Variants in GPC4 observed in about 807,000 individuals in gnomAD.
GPC4 encodes the protein glypican-4.
Under a neutral mutation model 35.0 loss-of-function variants are expected in GPC4, and 10 were observed. The ratio of observed to expected loss-of-function variants is 0.29; its 90% CI spans 0.18 to 0.48. The LOEUF is 0.48. Ranked by LOEUF, GPC4 falls within the 20% of genes least tolerant of loss-of-function variation. The pLI is 0.99. For missense variants in GPC4, 322 were observed against 451.3 expected, an observed-to-expected ratio of 0.71 and a Z score of 2.60; for synonymous variants, 167 against 170.2, an observed-to-expected ratio of 0.98 and a Z score of 0.15.
intron 1 of GPC4, among the ~76,000 whole-genome samples, chrX:133,394,956 GCAA>G (rs1159888584): frequency 6.3e-5 from 7 of 111,643 alleles, no homozygotes; most frequent in South Asian, 3.8e-4. Context: ...TCTAGATTGA[GCAA>G]CAACAAGAAA....
intron 2 of GPC4, among the ~76,000 whole-genome samples, chrX:133,336,225 T>C (rs976451123): frequency 2.7e-5 from 3 of 111,908 alleles, no homozygotes; most frequent in African/African-American, 6.5e-5. Flanking sequence ...CAAGTCCTAA[T>C]TGACAGCCTT....
At chrX:133,306,181 T>A (rs2068290373) in intron 4 of GPC4, 27 bp from the exon 5 acceptor site, 1 of 1,206,917 alleles carries the variant, frequency 8.3e-7, no homozygotes, top group African/African-American at 1.7e-5. Flanking sequence ...GGAAGAACAA[T>A]ACAGCATAAA....
chrX:133,322,313 A>C (rs2068368808), intron 3 of GPC4, among the ~76,000 whole-genome samples: 2 of 110,739 alleles, frequency 1.8e-5, no homozygotes, highest in African/African-American at 6.6e-5. Context: ...GTGTGGTGGC[A>C]CATGCCTGTA....
chrX:133,327,650 T>A (rs1412193088), intron 2 of GPC4, among the ~76,000 whole-genome samples: 4 of 104,339 alleles, frequency 3.8e-5, no homozygotes, highest in African/African-American at 1.1e-4. Context: ...TGTGTGTGTG[T>A]GTGTGTGTGT....
intron 1 of GPC4, among the ~76,000 whole-genome samples, chrX:133,359,222 G>C (rs1290519988): frequency 9.0e-6 from 1 of 111,524 alleles, no homozygotes; most frequent in African/African-American, 3.3e-5. Flanking sequence ...AAGAATCTGT[G>C]ACAAAAGCAG....
intron 1 of GPC4, among the ~76,000 whole-genome samples, chrX:133,347,259 T>G (rs926744636): frequency 1.1e-5 from 1 of 91,411 alleles, no homozygotes; most frequent in Non-Finnish European, 2.1e-5. Context: ...TTTTTTTTTT[T>G]TTTTTTTTTT....
chrX:133,381,234 A>G (rs1032543348), intron 1 of GPC4, among the ~76,000 whole-genome samples: 1 of 112,425 alleles, frequency 8.9e-6, no homozygotes, highest in Non-Finnish European at 1.9e-5. Context: ...TCAAGAATGC[A>G]ACAAAGGATA....
intron 1 of GPC4, among the ~76,000 whole-genome samples, chrX:133,341,178 T>C (rs932051820): frequency 8.9e-6 from 1 of 111,768 alleles, no homozygotes; most frequent in Non-Finnish European, 1.9e-5. Flanking sequence ...CCTTCGGTAC[T>C]GGGACACATA....
intron 7 of GPC4, among the ~76,000 whole-genome samples, chrX:133,304,486 T>A (rs778065584): frequency 8.9e-5 from 10 of 111,786 alleles, no homozygotes; most frequent in South Asian, 3.8e-4. Context: ...ACAGCCCTAA[T>A]ACGAGACTAT....
chrX:133,338,241 T>C (rs1219177012), intron 2 of GPC4, among the ~76,000 whole-genome samples: 1 of 111,677 alleles, frequency 9.0e-6, no homozygotes, highest in Admixed American at 9.6e-5. Context: ...TCAAAGACAT[T>C]TCATATCTAG....
chrX:133,335,416 G>C (rs902057839), intron 2 of GPC4, among the ~76,000 whole-genome samples: 5 of 111,288 alleles, frequency 4.5e-5, no homozygotes, highest in African/African-American at 1.3e-4. Context: ...GGGGGAGGAA[G>C]TGTTCTCTTG....
intron 5 of GPC4, 39 bp from the exon 6 acceptor site, chrX:133,305,957 T>C (rs762202404): frequency 1.2e-5 from 15 of 1,208,233 alleles, no homozygotes; most frequent in Non-Finnish European, 1.7e-5. Flanking sequence ...GGGAAGTCAC[T>C]CCCAAGGCGG....
chrX:133,319,212 G>A (rs893149390), intron 3 of GPC4, among the ~76,000 whole-genome samples: 5 of 110,059 alleles, frequency 4.5e-5, no homozygotes, highest in Non-Finnish European at 9.5e-5. Flanking sequence ...GGGAAGCTAA[G>A]GTGAGAGGAT....
intron 3 of GPC4, among the ~76,000 whole-genome samples, chrX:133,319,062 T>G (rs2068351653): frequency 8.9e-6 from 1 of 112,100 alleles, no homozygotes; most frequent in Non-Finnish European, 1.9e-5. Context: ...GCTGCAAAAG[T>G]AAACTGGACA....
chrX:133,385,718 G>A (rs2068686232), intron 1 of GPC4, among the ~76,000 whole-genome samples: 1 of 111,744 alleles, frequency 8.9e-6, no homozygotes, highest in East Asian at 2.8e-4. Context: ...CCCAGAACAG[G>A]CATTCCAATA....
At chrX:133,314,835 C>T (rs2124112274) in intron 3 of GPC4, among the ~76,000 whole-genome samples, 1 of 111,018 alleles carries the variant, frequency 9.0e-6, no homozygotes, top group South Asian at 3.9e-4. Context: ...CAGGTCTCCC[C>T]TGCAAAGTCT....
At chrX:133,356,225 T>C (rs903423895) in intron 1 of GPC4, among the ~76,000 whole-genome samples, 1 of 111,185 alleles carries the variant, frequency 9.0e-6, no homozygotes, top group Middle Eastern at 4.3e-3. Context: ...ACTTAGTGAA[T>C]GGCCTGGATC....
intron 1 of GPC4, among the ~76,000 whole-genome samples, chrX:133,391,441 C>T (rs1443317622): frequency 2.7e-5 from 3 of 112,099 alleles, no homozygotes; most frequent in African/African-American, 9.7e-5. Flanking sequence ...AAGAGAAGGT[C>T]TGGAAAAGAA....
chrX:133,341,302 T>C (rs759255170), intron 1 of GPC4, among the ~76,000 whole-genome samples: 2 of 111,955 alleles, frequency 1.8e-5, no homozygotes, highest in East Asian at 5.6e-4. Flanking sequence ...TACAGTGCTG[T>C]CACTATATTA....
Sources: gnomAD v4.1 joint callset for allele counts (sites outside exome capture counted in the v4.1 genomes callset) on GRCh38, gnomAD v4.1.1 for gene constraint, MANE v1.5 for transcripts, NCBI Gene and HGNC (gene_info 2026-07-23, HGNC 2026-07-21) for gene names.